SHPRH: variants seen among roughly 807,000 people sequenced by gnomAD.
SHPRH encodes SNF2 histone linker PHD RING helicase, also known as E3 ubiquitin-protein ligase SHPRH.
Under a neutral mutation model 202.5 loss-of-function variants are expected in SHPRH, and 106 were observed. The observed-to-expected ratio is 0.52, with a 90% CI of 0.45 to 0.62. The LOEUF (loss-of-function observed/expected upper bound fraction) is 0.62, where lower values mean the gene tolerates loss of function less well. Ranked by LOEUF, SHPRH falls within the 20% of genes least tolerant of loss-of-function variation. The probability of loss-of-function intolerance (pLI) is 0.00; values close to 1 mark genes in which losing one functional copy is unlikely to be tolerated. For synonymous variants in SHPRH, 729 were observed against 686.0 expected (o/e 1.06, Z -0.98); for missense variants, 1,710 against 2,020.0 (o/e 0.85, Z 2.94).
At chr6:145,963,283 T>C (rs1789292145) in intron 1 of SHPRH, among the ~76,000 whole-genome samples, 3 of 152,210 alleles carry the variant, frequency 2.0e-5, no homozygotes, top group Admixed American at 2.0e-4. Flanking sequence ...TCATTCCTAC[T>C]AATGCCCACT....
chr6:145,874,187 A>G (rs1340222962), intron 2 of SHPRH, among the ~76,000 whole-genome samples: 2 of 150,408 alleles, frequency 1.3e-5, no homozygotes, highest in Non-Finnish European at 2.9e-5. Flanking sequence ...AACAAGAGTG[A>G]AACTCCATCT....
intron 21 of SHPRH, 44 bp downstream of exon 21, chr6:145,921,123 A>G: frequency 6.5e-7 from 1 of 1,536,636 alleles, no homozygotes; most frequent in South Asian, 1.2e-5. Flanking sequence ...TGATGTAAAA[A>G]AGAAGAATTT....
intron 28 of SHPRH, among the ~76,000 whole-genome samples, chr6:145,888,454 G>A (rs1182786926): frequency 2.0e-5 from 3 of 152,118 alleles, no homozygotes; most frequent in South Asian, 2.1e-4. Flanking sequence ...CACAGTCCCC[G>A]GGAAGGGAAT....
chr6:145,934,792 A>T, intron 13 of SHPRH, 115 bp downstream of exon 13: 1 of 989,398 alleles, frequency 1.0e-6, no homozygotes, highest in South Asian at 1.9e-5. Context: ...AAAACCCTCT[A>T]CACCATTAAA....
chr6:145,894,861 T>A, intron 26 of SHPRH, 24 bp downstream of exon 26: 1 of 1,605,262 alleles, frequency 6.2e-7, no homozygotes, highest in Non-Finnish European at 8.5e-7. Context: ...GAATTAATAT[T>A]GAGGATGAAA....
At chr6:145,947,993 G>A (rs1415805083) in intron 5 of SHPRH, among the ~76,000 whole-genome samples, 2 of 151,766 alleles carry the variant, frequency 1.3e-5, no homozygotes, top group Non-Finnish European at 2.9e-5. Flanking sequence ...AAATAAAACT[G>A]ACCCCATAAT....
Position 145,921,156 on chromosome 6 carries a change from A to C in SHPRH, c.4008+11T>G. 6.3e-7 allele frequency: 1 copy of C among 1,593,308 alleles called. No individual in the cohort carries two copies. The highest frequency in any genetic ancestry group is 8.6e-7 in the Non-Finnish European group (1 of 1,167,282). The stretch of plus-strand genomic sequence containing the variant: ...TTTTTAATTTTGGAAGGAAGTTTTA[A>C]AATACTATACCTTATATTCCTTCTT... On this transcript the variant is annotated intron_variant, in intron 21 of 29. Transcript: ENST00000275233.
chr6:145,934,193 C>A (rs562573768), intron 13 of SHPRH, among the ~76,000 whole-genome samples: 1 of 151,938 alleles, frequency 6.6e-6, no homozygotes, highest in Non-Finnish European at 1.5e-5. Context: ...TAAAACAGGC[C>A]GGGCGTGGTG....
intron 11 of SHPRH, among the ~76,000 whole-genome samples, chr6:145,940,451 C>T (rs1396047694): frequency 7.5e-6 from 1 of 133,422 alleles, no homozygotes; most frequent in Non-Finnish European, 1.5e-5. Flanking sequence ...TTAATTCAGA[C>T]CTATATCTAT....
At chr6:145,940,835 TCCAGAAAA>T in intron 10 of SHPRH, 34 bp from the exon 11 acceptor site, 1 of 1,607,494 alleles carries the variant, frequency 6.2e-7, no homozygotes, top group Non-Finnish European at 8.5e-7. Context: ...AAAAATGAAA[TCCAGAAAA>T]CCACAGAAAG....
At chr6:145,936,289 T>C (rs1026193407) in intron 11 of SHPRH, among the ~76,000 whole-genome samples, 2 of 152,154 alleles carry the variant, frequency 1.3e-5, no homozygotes, top group South Asian at 2.1e-4. Flanking sequence ...AACATCTATA[T>C]AGAAAAGATC....
chr6:145,950,233 A>G, intron 4 of SHPRH, 31 bp downstream of exon 4: 2 of 1,595,582 alleles, frequency 1.3e-6, no homozygotes, highest in Non-Finnish European at 1.7e-6. Flanking sequence ...TCTCTAATCA[A>G]TTGGACTTTC....
chr6:145,934,110 A>G (rs1785767539), intron 13 of SHPRH, among the ~76,000 whole-genome samples: 1 of 152,128 alleles, frequency 6.6e-6, no homozygotes, highest in Non-Finnish European at 1.5e-5. Flanking sequence ...AGGGTGAGAC[A>G]GGAGGACTGC....
chr6:145,925,283 T>C (rs1784762336), intron 16 of SHPRH, among the ~76,000 whole-genome samples: 1 of 151,308 alleles, frequency 6.6e-6, no homozygotes, highest in Admixed American at 6.6e-5. Flanking sequence ...AACTGAATTT[T>C]GTTTCCCCAA....
chr6:145,919,380 G>GATTA lies in SHPRH; in HGVS notation c.4116_4119dup (p.Pro1374Ter). On this transcript the variant is annotated stop_gained and frameshift_variant, in exon 22 of 30. Coordinates refer to ENST00000275233, the MANE Select transcript of SHPRH (RefSeq NM_001042683.3). LOFTEE classifies it high-confidence loss of function. ...GGTTCAATGATATGAAGAACAGGCGGATTAGGCTTTGGCTCCCTAGGATCA... is the reference window on the plus strand; with the variant it reads ...GGTTCAATGATATGAAGAACAGGCGGATTAATTAGGCTTTGGCTCCCTAGGATCA... 6.2e-7 allele frequency: 1 copy of GATTA among 1,613,152 alleles called. No homozygotes were observed. Among genetic ancestry groups the GATTA allele is most frequent in the Non-Finnish European group, 8.5e-7 (1 of 1,179,370 alleles).
intron 2 of SHPRH, among the ~76,000 whole-genome samples, chr6:145,872,986 G>A (rs1365796110): frequency 6.6e-6 from 1 of 152,136 alleles, no homozygotes; most frequent in African/African-American, 2.4e-5. Flanking sequence ...AAAATGATGA[G>A]AATACATGGA....
chr6:145,913,311 T>C (rs1157316756), intron 24 of SHPRH, among the ~76,000 whole-genome samples, 167 bp downstream of exon 24: 1 of 152,146 alleles, frequency 6.6e-6, no homozygotes, highest in Non-Finnish European at 1.5e-5. Context: ...CTCAAACATC[T>C]AATCCTAAGC....
intron 23 of SHPRH, among the ~76,000 whole-genome samples, chr6:145,915,057 ATAAT>A (rs1783827268): frequency 6.7e-6 from 1 of 149,252 alleles, no homozygotes; most frequent in African/African-American, 2.4e-5. Context: ...TTATCTTAAA[ATAAT>A]TACATTATTT....
chr6:145,909,434 A>G (rs2128734701), intron 25 of SHPRH: 1 of 152,266 alleles, frequency 6.6e-6, no homozygotes, highest in South Asian at 2.1e-4. Context: ...AACAGACTAA[A>G]GAGCAATATA....
Sources: allele counts gnomAD v4.1 joint callset (sites outside exome capture counted in the v4.1 genomes callset), GRCh38; gene constraint gnomAD v4.1.1; transcripts MANE v1.5; gene names NCBI Gene and HGNC (gene_info 2026-07-23, HGNC 2026-07-21).